EEPD1: variants seen among roughly 807,000 people sequenced by gnomAD.
EEPD1 encodes endonuclease/exonuclease/phosphatase family domain containing 1.
In EEPD1, 17 loss-of-function variants were observed where a neutral mutation model predicts 46.3. The ratio of observed to expected loss-of-function variants is 0.37; its 90% confidence interval spans 0.25 to 0.55. The LOEUF is 0.55. Ranked by LOEUF, EEPD1 falls within the 20% of genes least tolerant of loss-of-function variation. The pLI is 0.83. For synonymous variants in EEPD1, 313 were observed against 315.6 expected (o/e 0.99, Z 0.09); for missense variants, 673 against 745.6 (o/e 0.90, Z 1.13).
chr7:36,199,528 G>A (rs1036649746), intron 2 of EEPD1, among the ~76,000 whole-genome samples: 3 of 152,090 alleles, frequency 2.0e-5, no homozygotes, highest in African/African-American at 4.8e-5. Context: ...AAACTCCCAG[G>A]ACTTTTTTCT....
chr7:36,243,193 T>C (rs541873203), intron 3 of EEPD1, among the ~76,000 whole-genome samples: 2 of 152,278 alleles, frequency 1.3e-5, no homozygotes, highest in African/African-American at 4.8e-5. Flanking sequence ...GATTATGTGC[T>C]CGAAAGTTCA....
chr7:36,222,220 A>C (rs1786158224), intron 2 of EEPD1, among the ~76,000 whole-genome samples: 1 of 152,272 alleles, frequency 6.6e-6, no homozygotes, highest in Non-Finnish European at 1.5e-5. Context: ...TTTGTATGTC[A>C]TATGTACTGT....
At chr7:36,176,873 G>T (rs1206892812) in intron 2 of EEPD1, among the ~76,000 whole-genome samples, 1 of 152,180 alleles carries the variant, frequency 6.6e-6, no homozygotes, top group Non-Finnish European at 1.5e-5. Flanking sequence ...AAAGCTGCCT[G>T]GTTCTCCTCA....
chr7:36,249,579 A>G (rs1786700332), intron 3 of EEPD1, among the ~76,000 whole-genome samples: 1 of 152,230 alleles, frequency 6.6e-6, no homozygotes, highest in African/African-American at 2.4e-5. Flanking sequence ...ATATCCATCA[A>G]AAATGATAAG....
At chr7:36,296,671 A>G (rs1260130005) in intron 6 of EEPD1, among the ~76,000 whole-genome samples, 1 of 139,984 alleles carries the variant, frequency 7.1e-6, no homozygotes, top group Non-Finnish European at 1.6e-5. Context: ...TTTTTGTTAA[A>G]TATTTGGGTA....
At chr7:36,179,112 A>G (rs572043150) in intron 2 of EEPD1, among the ~76,000 whole-genome samples, 39 of 152,314 alleles carry the variant, frequency 2.6e-4, no homozygotes, top group Non-Finnish European at 5.1e-4. Flanking sequence ...TTTTCCAAAC[A>G]TGTATTTAAA....
At chr7:36,228,090 G>C (rs1786258993) in intron 2 of EEPD1, among the ~76,000 whole-genome samples, 1 of 152,122 alleles carries the variant, frequency 6.6e-6, no homozygotes, top group Admixed American at 6.5e-5. Flanking sequence ...TATTAAAGAA[G>C]GGTGGGGGGA....
chr7:36,242,825 A>T (rs566280651), intron 3 of EEPD1, among the ~76,000 whole-genome samples: 28 of 150,792 alleles, frequency 1.9e-4, no homozygotes, highest in Non-Finnish European at 4.0e-4. Context: ...GCTAATCAGG[A>T]GGCTGAGGCA....
At chr7:36,173,694 A>T (rs1268051608) in intron 2 of EEPD1, among the ~76,000 whole-genome samples, 6 of 152,188 alleles carry the variant, frequency 3.9e-5, no homozygotes, top group Non-Finnish European at 2.9e-5. Flanking sequence ...CAGTGTGAAA[A>T]TCAACCAATA....
Position 36,301,096 on chromosome 7 carries a change from T to C in EEPD1, c.*1890T>C, listed in dbSNP as rs376040791. On this transcript the variant is annotated 3_prime_UTR_variant, in exon 8 of 8. Coordinates refer to ENST00000242108, the MANE Select transcript of EEPD1 (RefSeq NM_030636.3). ...AAAGCTGTGGACAGAAAAGCCTCCT[T>C]AAGTGAGCTGAGGGGACAGGAAATC... 10 of 152,324 alleles carry C rather than the reference T, an allele frequency of 6.6e-5. No homozygotes were observed. Among genetic ancestry groups the C allele is most frequent in the African/African-American group, 2.2e-4 (9 of 41,572 alleles). The allele number at this position is 152,324 out of a possible 1,614,324, so 9.4% of individuals were successfully genotyped here. A position where few individuals can be genotyped will look rare whatever the true frequency, so the allele number is the denominator to read the frequency against.
rs1562718171 is a variant in EEPD1, at chr7:36,301,113, C to T, written c.*1907C>T. On this transcript the variant is annotated 3_prime_UTR_variant, in exon 8 of 8. Coordinates refer to ENST00000242108, the MANE Select transcript of EEPD1 (RefSeq NM_030636.3). Reference sequence around the variant, plus strand: ...AGCCTCCTTAAGTGAGCTGAGGGGACAGGAAATCCAATCAGATGACCTTTG... The same window carrying T: ...AGCCTCCTTAAGTGAGCTGAGGGGATAGGAAATCCAATCAGATGACCTTTG... 1 of 152,202 alleles carries T rather than the reference C, an allele frequency of 6.6e-6. No homozygotes were observed. Among genetic ancestry groups the T allele is most frequent in the African/African-American group, 2.4e-5 (1 of 41,438 alleles). 9.4% of individuals were successfully genotyped at this position (152,202 alleles called of 1,614,324 possible). A position where few individuals can be genotyped will look rare whatever the true frequency, so the allele number is the denominator to read the frequency against.
chr7:36,230,533 C>T (rs1786305258), intron 2 of EEPD1, among the ~76,000 whole-genome samples: 1 of 152,136 alleles, frequency 6.6e-6, no homozygotes, highest in East Asian at 1.9e-4. Context: ...CACTCTGTCC[C>T]CTTGTTCCTT....
intron 2 of EEPD1, among the ~76,000 whole-genome samples, chr7:36,171,137 G>A (rs2700918): frequency 0.32 from 48,552 of 152,094 alleles, 8,477 homozygotes; most frequent in Middle Eastern, 0.43. Flanking sequence ...GGCCAAGGCC[G>A]GTCTTGAACT....
chr7:36,271,727 T>C (rs1331633865), intron 3 of EEPD1, among the ~76,000 whole-genome samples: 911 of 99,784 alleles, frequency 9.1e-3, no homozygotes, highest in Non-Finnish European at 0.011. Flanking sequence ...TTTCATGGTT[T>C]TAGGTTTTAC....
At chr7:36,166,277 A>T (rs1784979920) in intron 2 of EEPD1, among the ~76,000 whole-genome samples, 1 of 152,260 alleles carries the variant, frequency 6.6e-6, no homozygotes, top group Admixed American at 6.5e-5. Flanking sequence ...ATTTGTAACA[A>T]AAAATGCAAG....
intron 2 of EEPD1, among the ~76,000 whole-genome samples, chr7:36,195,447 A>G (rs1326289371): frequency 2.0e-5 from 3 of 152,238 alleles, no homozygotes; most frequent in Non-Finnish European, 1.5e-5. Flanking sequence ...AGAGAAAGCC[A>G]TCAGAGAAGG....
intron 2 of EEPD1, among the ~76,000 whole-genome samples, chr7:36,219,804 A>AGTGTGTGTGTGT (rs770071168): frequency 0.028 from 2,433 of 87,522 alleles, 28 homozygotes; most frequent in Non-Finnish European, 0.039. Context: ...AGAGAGAGAG[A>AGTGTGTGTGTGT]GAGTGTGTGT....
chr7:36,255,819 A>T (rs747558485), intron 3 of EEPD1, among the ~76,000 whole-genome samples: 1 of 146,530 alleles, frequency 6.8e-6, no homozygotes, highest in Non-Finnish European at 1.5e-5. Flanking sequence ...TTGTGTCTCT[A>T]TCTCCTTCAA....
chr7:36,236,038 C>A (rs1786431513), intron 2 of EEPD1, among the ~76,000 whole-genome samples: 1 of 151,970 alleles, frequency 6.6e-6, no homozygotes, highest in African/African-American at 2.4e-5. Context: ...AATTCTCCTA[C>A]CTCATCCTCC....
Sources: allele counts gnomAD v4.1 joint callset (sites outside exome capture counted in the v4.1 genomes callset), GRCh38; gene constraint gnomAD v4.1.1; transcripts MANE v1.5; gene names NCBI Gene and HGNC (gene_info 2026-07-23, HGNC 2026-07-21).